The following AGAP1 variants were observed in gnomAD, a reference collection of about 807,000 sequenced individuals.
The protein encoded by AGAP1 is arf-GAP with GTPase, ANK repeat and PH domain-containing protein 1.
A neutral mutation model predicts 105.3 loss-of-function variants in AGAP1; 29 were observed. The observed-to-expected ratio is 0.28, with a 90% confidence interval of 0.21 to 0.38. The LOEUF (loss-of-function observed/expected upper bound fraction) is 0.38. AGAP1 is among the 10% of genes least tolerant of loss of function. AGAP1 has a pLI of 1.00. For synonymous variants in AGAP1, 509 were observed against 485.9 expected, an observed-to-expected ratio of 1.05 and a Z score of -0.63; for missense variants, 998 against 1,165.1, an observed-to-expected ratio of 0.86 and a Z score of 2.09.
intron 1 of AGAP1, among the ~76,000 whole-genome samples, chr2:235,533,281 T>G (rs74793050): frequency 0.052 from 7,850 of 152,332 alleles, 273 homozygotes; most frequent in Non-Finnish European, 0.082. Flanking sequence ...ACTTTCTTTT[T>G]TAAAAAATTA....
intron 11 of AGAP1, among the ~76,000 whole-genome samples, chr2:235,921,459 C>T (rs928444525): frequency 1.3e-5 from 2 of 152,266 alleles, no homozygotes; most frequent in Admixed American, 6.5e-5. Context: ...TATATTTTAA[C>T]AGTACAACAA....
intron 16 of AGAP1, among the ~76,000 whole-genome samples, chr2:236,069,354 T>G (rs1559244913): frequency 6.6e-6 from 1 of 152,194 alleles, no homozygotes; most frequent in Non-Finnish European, 1.5e-5. Context: ...TTATATATAA[T>G]GTATAAATTT....
chr2:235,885,418 C>T (rs999027922), intron 10 of AGAP1, among the ~76,000 whole-genome samples: 11 of 152,200 alleles, frequency 7.2e-5, no homozygotes, highest in Non-Finnish European at 1.3e-4. Context: ...CTCTAATCAA[C>T]GTTCCTCTGT....
chr2:236,041,296 T>C (rs2057543600), intron 15 of AGAP1, among the ~76,000 whole-genome samples: 1 of 151,812 alleles, frequency 6.6e-6, no homozygotes, highest in Admixed American at 6.6e-5. Flanking sequence ...AAATAGAATA[T>C]AATTGGTTCA....
At chr2:235,742,456 A>G (rs1202369496) in intron 4 of AGAP1, among the ~76,000 whole-genome samples, 3 of 152,346 alleles carry the variant, frequency 2.0e-5, no homozygotes, top group Admixed American at 1.3e-4. Flanking sequence ...TAACGATACC[A>G]TGAACTTGAT....
At chr2:235,606,416 G>A (rs1455946767) in intron 1 of AGAP1, among the ~76,000 whole-genome samples, 1 of 152,214 alleles carries the variant, frequency 6.6e-6, no homozygotes, top group Non-Finnish European at 1.5e-5. Flanking sequence ...GGGATGGCAG[G>A]AATGAGTTAC....
chr2:235,827,486 CTAA>C (rs1299136499), intron 9 of AGAP1, among the ~76,000 whole-genome samples: 1 of 152,160 alleles, frequency 6.6e-6, no homozygotes, highest in Non-Finnish European at 1.5e-5. Context: ...AATACTTGTA[CTAA>C]TAATTTTTAA....
At chr2:235,626,625 A>G (rs1250092553) in intron 1 of AGAP1, among the ~76,000 whole-genome samples, 8 of 152,212 alleles carry the variant, frequency 5.3e-5, no homozygotes, top group African/African-American at 1.4e-4. Flanking sequence ...CTTTTCCTCA[A>G]TGAACACGCT....
chr2:236,052,875 T>C (rs921225629), intron 16 of AGAP1, among the ~76,000 whole-genome samples: 1 of 152,190 alleles, frequency 6.6e-6, no homozygotes, highest in Non-Finnish European at 1.5e-5. Flanking sequence ...AATTCCCCTC[T>C]CTAATTGCTA....
rs1944063819 is a variant in AGAP1 at position 235,559,011 on chromosome 2, C to A, written c.163+64162C>A. The stretch of plus-strand genomic sequence containing the variant: ...GATCTCTGCTCACTGCAGCCTTCGC[C>A]TCCCAGGCTCAAGAAATTCTCCCAC... On this transcript the variant is annotated intron_variant, in intron 1 of 17. Coordinates refer to ENST00000304032, the MANE Select transcript of AGAP1 (RefSeq NM_001037131.3). This position sits in a 1 kb window ranked among gnomAD's most constrained non-coding sequence, Gnocchi z 5.7. 6.6e-6 allele frequency among the ~76,000 whole-genome samples: 1 copy of A among 152,166 alleles called. No individual in the cohort carries two copies. Among genetic ancestry groups the A allele is most frequent in the South Asian group, 2.1e-4 (1 of 4,826 alleles).
chr2:235,598,398 T>C (rs1034630700), intron 1 of AGAP1, among the ~76,000 whole-genome samples: 1 of 152,178 alleles, frequency 6.6e-6, no homozygotes, highest in Non-Finnish European at 1.5e-5. Flanking sequence ...CTTTGGTCTT[T>C]ATTTAGAAGT....
rs573713521 is a variant in AGAP1, at chr2:235,502,805, G to A, written c.163+7956G>A. On this transcript the variant is annotated intron_variant, in intron 1 of 17. Coordinates refer to ENST00000304032, the MANE Select transcript of AGAP1 (RefSeq NM_001037131.3). ...TCACAAATGATTTATGTTTGGTCTTGGAGAAATGTCAGCATTCAACAGGCT... is the reference window on the plus strand; with the variant it reads ...TCACAAATGATTTATGTTTGGTCTTAGAGAAATGTCAGCATTCAACAGGCT... Among the ~76,000 whole-genome samples the A allele has an allele frequency of 6.7e-5, 10 of 150,288 alleles. No homozygotes were observed. In the South Asian group the frequency reaches 1.9e-3, roughly 29 times the overall value.
At chr2:235,802,491 G>A (rs1957540674) in intron 8 of AGAP1, among the ~76,000 whole-genome samples, 1 of 152,094 alleles carries the variant, frequency 6.6e-6, no homozygotes, top group Non-Finnish European at 1.5e-5. Context: ...TGGCATTAGT[G>A]GGAATAGAAA....
intron 16 of AGAP1, among the ~76,000 whole-genome samples, chr2:236,085,469 A>G (rs1485644451): frequency 6.6e-6 from 1 of 152,158 alleles, no homozygotes. Flanking sequence ...CATCTCTAGT[A>G]CCAACCTCAC....
intron 1 of AGAP1, among the ~76,000 whole-genome samples, chr2:235,696,439 T>C (rs1407488787): frequency 6.6e-6 from 1 of 152,100 alleles, no homozygotes; most frequent in East Asian, 1.9e-4. Flanking sequence ...GGGTGCACAG[T>C]GGACATTTCA....
intron 1 of AGAP1, among the ~76,000 whole-genome samples, chr2:235,515,850 T>G (rs1942356168): frequency 6.6e-6 from 1 of 152,158 alleles, no homozygotes; most frequent in African/African-American, 2.4e-5. Context: ...TAGAGGATGG[T>G]GTTGCCTTTT....
rs1453730270 is a variant in AGAP1 at position 235,864,963 on chromosome 2, G to T, written c.1051-18382G>T. Among the ~76,000 whole-genome samples the T allele has an allele frequency of 6.6e-6, 1 of 152,102 alleles. No homozygotes were observed. Among genetic ancestry groups the T allele is most frequent in the Non-Finnish European group, 1.5e-5 (1 of 68,012 alleles). On this transcript the variant is annotated intron_variant, in intron 9 of 17. Coordinates refer to ENST00000304032, the MANE Select transcript of AGAP1 (RefSeq NM_001037131.3). This position sits in a 1 kb window ranked among gnomAD's most constrained non-coding sequence, Gnocchi z 5.0. ...TCGGCATTACTCATCGTCAACATGG[G>T]TTTTTAAAAGGGAAGGAGAGAAACA...
chr2:235,956,176 A>G (rs531465006), intron 12 of AGAP1, among the ~76,000 whole-genome samples: 1 of 152,288 alleles, frequency 6.6e-6, no homozygotes, highest in African/African-American at 2.4e-5. Flanking sequence ...CTGATTATGT[A>G]AAAAGGGAAG....
intron 16 of AGAP1, among the ~76,000 whole-genome samples, chr2:236,091,019 G>A (rs1283510059): frequency 6.6e-6 from 1 of 152,210 alleles, no homozygotes; most frequent in Admixed American, 6.5e-5. Flanking sequence ...GTTGACAGGC[G>A]TGTGCCACCG....
Sources: allele counts gnomAD v4.1 joint callset (sites outside exome capture counted in the v4.1 genomes callset), GRCh38; gene constraint gnomAD v4.1.1; non-coding constraint Gnocchi (gnomAD v3.1); transcripts MANE v1.5; gene names NCBI Gene and HGNC (gene_info 2026-07-23, HGNC 2026-07-21).